Variants in NUP155 observed in about 807,000 individuals in gnomAD.
NUP155 encodes the protein nuclear pore complex protein Nup155.
Under a neutral mutation model 180.4 loss-of-function variants are expected in NUP155, and 71 were observed. The ratio of observed to expected loss-of-function variants is 0.39; its 90% confidence interval spans 0.33 to 0.48. The LOEUF is 0.48. NUP155 is among the 20% of genes least tolerant of loss of function. NUP155 has a pLI of 0.91. For synonymous variants in NUP155, 582 were observed against 559.5 expected (o/e 1.04, Z -0.57); for missense variants, 1,553 against 1,648.9 (o/e 0.94, Z 1.01).
chr5:37,329,963 T>C (rs1744847026), intron 15 of NUP155, 75 bp downstream of exon 15: 1 of 1,058,486 alleles, frequency 9.4e-7, no homozygotes, highest in Admixed American at 2.0e-5. Context: ...CAAGGCTTTA[T>C]CACATTGATA....
chr5:37,314,489 G>T (rs945809904), intron 21 of NUP155, among the ~76,000 whole-genome samples, 161 bp from the exon 22 acceptor site: 7 of 152,126 alleles, frequency 4.6e-5, no homozygotes. Flanking sequence ...TATCTTCTCC[G>T]TGTGTGTATA....
intron 11 of NUP155, among the ~76,000 whole-genome samples, chr5:37,339,039 G>T (rs1235041626): frequency 6.6e-6 from 1 of 152,042 alleles, no homozygotes; most frequent in Non-Finnish European, 1.5e-5. Context: ...AATGATGAAG[G>T]TGCTAGAGGA....
chr5:37,345,606 A>G, intron 9 of NUP155, among the ~76,000 whole-genome samples: 1 of 151,664 alleles, frequency 6.6e-6, no homozygotes, highest in East Asian at 1.9e-4. Context: ...AAATTGAGAT[A>G]AAGAGTGTAT....
At chr5:37,359,952 A>T (rs1285975858) in intron 3 of NUP155, among the ~76,000 whole-genome samples, 2 of 152,140 alleles carry the variant, frequency 1.3e-5, no homozygotes, top group African/African-American at 4.8e-5. Context: ...ACCTGTTTCT[A>T]CTAAAAATAG....
chr5:37,305,188 T>C lies in NUP155; in HGVS notation c.2926A>G (p.Thr976Ala), dbSNP rs758060390. The change falls in exon 26 of 35, where the codon ACA becomes GCA. Residue 976 changes from threonine (T) to alanine (A), a missense_variant. Thr to Ala is a moderately conservative substitution (Grantham distance 58). Coordinates refer to ENST00000231498, the MANE Select transcript of NUP155 (RefSeq NM_153485.3). The stretch of plus-strand genomic sequence containing the variant: ...TTTACCAGTTCTTGAAGTGTGTCTG[T>C]AATGCATTTGTAACTGTTTAATCTG... ...QERLNSYKCITDTLQELVNQS... is the reference protein window; with the variant it reads ...QERLNSYKCIADTLQELVNQS... 3.1e-6 allele frequency: 5 copies of C among 1,613,098 alleles called. No homozygotes were observed. Among genetic ancestry groups the C allele is most frequent in the Non-Finnish European group, 3.4e-6 (4 of 1,179,488 alleles).
At chr5:37,361,560 T>C (rs989880432) in intron 3 of NUP155, among the ~76,000 whole-genome samples, 3 of 152,104 alleles carry the variant, frequency 2.0e-5, no homozygotes, top group East Asian at 1.9e-4. Context: ...ACAGGGCCCT[T>C]TGATAACTGG....
chr5:37,370,056 A>C (rs897166163), intron 1 of NUP155, among the ~76,000 whole-genome samples: 2 of 152,154 alleles, frequency 1.3e-5, no homozygotes, highest in Non-Finnish European at 2.9e-5. Context: ...GCATTTCATA[A>C]CACACATCTC....
intron 12 of NUP155, among the ~76,000 whole-genome samples, chr5:37,334,594 T>G (rs995056780): frequency 5.3e-5 from 8 of 152,136 alleles, no homozygotes; most frequent in Non-Finnish European, 1.0e-4. Context: ...TTGGCCAGGC[T>G]GGTCTCAAAC....
chr5:37,325,158 C>G (rs1445429639), intron 19 of NUP155, among the ~76,000 whole-genome samples: 1 of 152,068 alleles, frequency 6.6e-6, no homozygotes, highest in Non-Finnish European at 1.5e-5. Context: ...CCACTGCACT[C>G]CAGCTTGGGC....
At position 37,307,227 on chromosome 5, in the gene NUP155, A is replaced by C. The variant is rs1009871321; in HGVS notation, c.2903+70T>G. 13 of 1,523,324 alleles carry C rather than the reference A, an allele frequency of 8.5e-6. No homozygotes were observed. The East Asian group carries it at 1.3e-4, about 16-fold the overall frequency. The allele number at this position is 1,523,324 out of a possible 1,614,324, so 94.4% of individuals were successfully genotyped here. On this transcript the variant is annotated intron_variant, in intron 25 of 34. Transcript: ENST00000231498. ...AAAAAAAAAAAACATAAAACAAAAAACAAAAAACATTATGCAAAGAAAAGT... is the reference window on the plus strand; with the variant it reads ...AAAAAAAAAAAACATAAAACAAAAACCAAAAAACATTATGCAAAGAAAAGT...
At chr5:37,333,717 A>G in intron 12 of NUP155, 84 bp from the exon 13 acceptor site, 2 of 893,192 alleles carry the variant, frequency 2.2e-6, no homozygotes, top group Non-Finnish European at 3.5e-6. Flanking sequence ...ATAAAGAAGT[A>G]AATTTAATAA....
rs1032606054 is a variant in NUP155, at chr5:37,352,616, G to C, written c.556+121C>G. ...TGGAAAAGAGCCTGAGGATTTGGCA[G>C]TAATAATCATTAATGTGAGTCAATG... On this transcript the variant is annotated intron_variant, in intron 5 of 34. Transcript: ENST00000231498. 11 of 708,026 alleles carry C rather than the reference G, an allele frequency of 1.6e-5. No individual in the cohort carries two copies. In the African/African-American group the frequency reaches 1.8e-4, roughly 11 times the overall value. The allele number at this position is 708,026 out of a possible 1,614,324, so 43.9% of individuals were successfully genotyped here.
chr5:37,355,547 G>A (rs113101006), intron 4 of NUP155, among the ~76,000 whole-genome samples: 20,433 of 147,038 alleles, frequency 0.14, 1,577 homozygotes, highest in African/African-American at 0.2. Flanking sequence ...GTGTGTGTGT[G>A]TATATATATA....
intron 2 of NUP155, 96 bp from the exon 3 acceptor site, chr5:37,364,080 CAAT>C (rs1747391339): frequency 8.7e-7 from 1 of 1,152,840 alleles, no homozygotes; most frequent in African/African-American, 1.5e-5. Context: ...TAAAAAATCA[CAAT>C]GTGTCCACTC....
chr5:37,357,137 G>A (rs1280128171), intron 4 of NUP155, among the ~76,000 whole-genome samples: 1 of 151,580 alleles, frequency 6.6e-6, no homozygotes, highest in African/African-American at 2.4e-5. Context: ...AAATGGCCAG[G>A]TGCAGTGGCT....
Position 37,370,959 on chromosome 5 carries a change from C to G in NUP155, c.19G>C (p.Gly7Arg), listed in dbSNP as rs1747928487. ...GATGTAGAGGCCGGCATCGCCGCGC[C>G]CAACAAAGAAGACGGCATCTCGGAA... MPSSLL[G>R]AAMPASTSAA... The change falls in exon 1 of 35, where the codon GGC becomes CGC. Residue 7 changes from glycine to arginine, a missense_variant. Gly to Arg is a moderately radical substitution (Grantham distance 125). Transcript: ENST00000231498. 6.2e-7 allele frequency: 1 copy of G among 1,613,882 alleles called. No individual in the cohort carries two copies. Among genetic ancestry groups the G allele is most frequent in the African/African-American group, 1.3e-5 (1 of 74,938 alleles).
intron 1 of NUP155, among the ~76,000 whole-genome samples, chr5:37,365,249 ACT>A (rs1165967691): frequency 6.9e-6 from 1 of 144,714 alleles, no homozygotes; most frequent in Non-Finnish European, 1.5e-5. Context: ...ACAGGGCAAG[ACT>A]CTGTCTCAAA....
chr5:37,370,177 C>T (rs1378005275), intron 1 of NUP155, among the ~76,000 whole-genome samples: 1 of 152,154 alleles, frequency 6.6e-6, no homozygotes, highest in Admixed American at 6.5e-5. Flanking sequence ...CGTGACCAGC[C>T]AGGCCAATAT....
intron 16 of NUP155, 29 bp downstream of exon 16, chr5:37,329,161 A>G (rs748178586): frequency 3.3e-6 from 5 of 1,526,804 alleles, no homozygotes; most frequent in East Asian, 4.5e-5. Flanking sequence ...ACGATTAGAA[A>G]CAATTTCATT....
Sources: gnomAD v4.1 joint callset for allele counts (sites outside exome capture counted in the v4.1 genomes callset) on GRCh38, gnomAD v4.1.1 for gene constraint, MANE v1.5 for transcripts, NCBI Gene and HGNC (gene_info 2026-07-23, HGNC 2026-07-21) for gene names.